The following MTUS2 variants were observed in gnomAD, a reference collection of about 807,000 sequenced individuals.
MTUS2 encodes microtubule associated scaffold protein 2.
Under a neutral mutation model 114.1 loss-of-function variants are expected in MTUS2, and 40 were observed. The ratio of observed to expected loss-of-function variants is 0.35; its 90% CI spans 0.27 to 0.46. The LOEUF (loss-of-function observed/expected upper bound fraction) is 0.46. Ranked by LOEUF, MTUS2 falls within the 20% of genes least tolerant of loss-of-function variation. The pLI, the probability that MTUS2 is intolerant of heterozygous loss-of-function variation, is 1.00. For synonymous variants in MTUS2, 688 were observed against 672.0 expected, an observed-to-expected ratio of 1.02 and a Z score of -0.37; for missense variants, 1,679 against 1,705.4, an observed-to-expected ratio of 0.98 and a Z score of 0.27.
chr13:29,503,217 CG>C lies in MTUS2; in HGVS notation c.*13del. ...ACAACACCCAGATGACGCCACTACA[CG>C]GCCTGCGGGAGCTCCGGCTTCTCGT... On this transcript the variant is annotated 3_prime_UTR_variant, in exon 16 of 16. Transcript: ENST00000612955. The C allele has an allele frequency of 6.2e-7, 1 of 1,612,636 alleles. No homozygotes were observed. The highest frequency in any genetic ancestry group is 8.5e-7 in the Non-Finnish European group (1 of 1,179,860).
chr13:29,382,634 C>T (rs181340299), intron 8 of MTUS2, among the ~76,000 whole-genome samples: 45 of 152,218 alleles, frequency 3.0e-4, no homozygotes, highest in African/African-American at 9.9e-4. Flanking sequence ...ATAAAACTGG[C>T]GCTCTTAAAA....
intron 5 of MTUS2, among the ~76,000 whole-genome samples, chr13:29,216,902 C>A (rs1301739779): frequency 6.6e-6 from 1 of 152,206 alleles, no homozygotes; most frequent in Non-Finnish European, 1.5e-5. Context: ...TTCCCACACC[C>A]TCCCTAATAC....
At chr13:29,329,372 T>C (rs1337299505) in intron 7 of MTUS2, among the ~76,000 whole-genome samples, 2 of 151,906 alleles carry the variant, frequency 1.3e-5, no homozygotes, top group South Asian at 2.1e-4. Context: ...CTCCCACTTA[T>C]GAGTGAGAAC....
intron 5 of MTUS2, among the ~76,000 whole-genome samples, chr13:29,226,159 C>A (rs577278413): frequency 6.6e-5 from 10 of 152,110 alleles, no homozygotes; most frequent in Non-Finnish European, 8.8e-5. Context: ...AAAAAGATAA[C>A]ATTACATATT....
At chr13:29,235,821 T>G (rs189182360) in intron 5 of MTUS2, among the ~76,000 whole-genome samples, 3 of 152,334 alleles carry the variant, frequency 2.0e-5, no homozygotes, top group Admixed American at 1.3e-4. Context: ...TATGATTCAC[T>G]CATGACCATT....
At chr13:29,475,684 G>GA (rs1471931564) in intron 9 of MTUS2, among the ~76,000 whole-genome samples, 5 of 152,094 alleles carry the variant, frequency 3.3e-5, no homozygotes, top group African/African-American at 1.2e-4. Flanking sequence ...TTTAAAAATA[G>GA]AAAAAAGCTT....
intron 5 of MTUS2, among the ~76,000 whole-genome samples, chr13:29,223,111 G>C (rs999177264): frequency 6.6e-6 from 1 of 152,158 alleles, no homozygotes; most frequent in African/African-American, 2.4e-5. Flanking sequence ...AAAGGGGTGG[G>C]TCCCTAGTGA....
intron 2 of MTUS2, among the ~76,000 whole-genome samples, chr13:29,002,626 A>G (rs866446020): frequency 6.6e-6 from 1 of 152,212 alleles, no homozygotes; most frequent in Non-Finnish European, 1.5e-5. Context: ...TATTTGAGCA[A>G]ATAGTTTAGG....
chr13:28,852,900 A>AATACATATATACATACATAC lies in MTUS2; in HGVS notation c.-243+13057_-243+13058insTATACATACATACATACATA, dbSNP rs1555267744. Among the ~76,000 whole-genome samples the AATACATATATACATACATAC allele has an allele frequency of 2.0e-5, 3 of 148,490 alleles. No individual in the cohort carries two copies. The East Asian group carries it at 5.9e-4, about 29-fold the overall frequency. ...GGTGACAGAGCGAGCCTCTGTCTTAAATACATACATACATACATACATACA... is the reference window on the plus strand; with the variant it reads ...GGTGACAGAGCGAGCCTCTGTCTTAAATACATATATACATACATACATACATACATACATACATACATACA... On this transcript the variant is annotated intron_variant, in intron 2 of 15. Transcript: ENST00000612955.
intron 4 of MTUS2, among the ~76,000 whole-genome samples, chr13:29,042,154 T>C (rs1887394451): frequency 6.6e-6 from 1 of 152,200 alleles, no homozygotes; most frequent in Non-Finnish European, 1.5e-5. Context: ...GTGCTGATTT[T>C]GCTGAGGGTT....
At position 29,148,200 on chromosome 13, in the gene MTUS2, C is replaced by CTTT. The variant is rs551708762; in HGVS notation, c.2644+47241_2644+47243dup. Among the ~76,000 whole-genome samples, 379 of 138,610 alleles carry CTTT rather than the reference C, an allele frequency of 2.7e-3. 2 individuals are homozygous for CTTT. The highest frequency in any genetic ancestry group is 9.5e-3 in the African/African-American group (362 of 37,956). 90.9% of individuals were successfully genotyped at this position (138,610 alleles called of 152,430 possible). ...TTTTCTGATGATTAGTGATGTTGAG[C>CTTT]TTTTTTTTTTTTTCATTTCCAACTT... On this transcript the variant is annotated intron_variant, in intron 5 of 15. Coordinates refer to ENST00000612955, the MANE Select transcript of MTUS2 (RefSeq NM_001033602.4).
At chr13:28,846,234 C>T (rs967263526) in intron 2 of MTUS2, among the ~76,000 whole-genome samples, 3 of 152,124 alleles carry the variant, frequency 2.0e-5, no homozygotes, top group South Asian at 2.1e-4. Context: ...ATGGAACCCA[C>T]GTGAGAGACC....
intron 2 of MTUS2, among the ~76,000 whole-genome samples, chr13:28,963,358 A>AAAAAC (rs902105353): frequency 2.0e-5 from 3 of 152,226 alleles, no homozygotes; most frequent in Non-Finnish European, 2.9e-5. Context: ...CTCAAAAAAC[A>AAAAAC]AAAACAAAAC....
intron 5 of MTUS2, among the ~76,000 whole-genome samples, chr13:29,169,800 G>T (rs898541269): frequency 6.6e-6 from 1 of 152,072 alleles, no homozygotes; most frequent in Non-Finnish European, 1.5e-5. Flanking sequence ...CATAAGGGCC[G>T]TGCAGCCACA....
chr13:29,038,757 A>G (rs916750680), intron 4 of MTUS2, among the ~76,000 whole-genome samples: 2 of 152,262 alleles, frequency 1.3e-5, no homozygotes, highest in African/African-American at 4.8e-5. Context: ...GGAGGAATCT[A>G]GAGAGGCAGT....
chr13:28,954,077 G>A (rs922895230), intron 2 of MTUS2, among the ~76,000 whole-genome samples: 7 of 152,144 alleles, frequency 4.6e-5, no homozygotes, highest in Non-Finnish European at 1.0e-4. Context: ...TTTAAATTCT[G>A]TTGTTAAAAG....
rs200333897 is a variant in MTUS2 at position 29,025,760 on chromosome 13, G to A, written c.1062G>A (p.Pro354=). ...EGRDPCGEAH[P]EATDALGHLL... ...GGGATCCATGTGGGGAAGCACACCC[G>A]GAAGCCACCGATGCACTTGGCCATC... is the stretch of plus-strand genomic sequence containing the variant. The change falls in exon 3 of 16, where the codon CCG becomes CCA. Residue 354 remains proline, a synonymous_variant. Transcript: ENST00000612955. 2.4e-5 allele frequency: 38 copies of A among 1,613,974 alleles called. No individual in the cohort carries two copies. Among genetic ancestry groups the A allele is most frequent in the East Asian group, 1.1e-4 (5 of 44,872 alleles).
chr13:28,945,126 T>C (rs1474253461), intron 2 of MTUS2, among the ~76,000 whole-genome samples: 1 of 152,028 alleles, frequency 6.6e-6, no homozygotes, highest in Non-Finnish European at 1.5e-5. Context: ...TCCAGTTCCA[T>C]CCATGTTGTA....
chr13:28,883,741 T>A (rs1372830445), intron 2 of MTUS2, among the ~76,000 whole-genome samples: 1 of 152,170 alleles, frequency 6.6e-6, no homozygotes, highest in Non-Finnish European at 1.5e-5. Context: ...GGTTACATGA[T>A]TCTAACTAAA....
Sources: allele counts gnomAD v4.1 joint callset (sites outside exome capture counted in the v4.1 genomes callset), GRCh38; gene constraint gnomAD v4.1.1; transcripts MANE v1.5; gene names NCBI Gene and HGNC (gene_info 2026-07-23, HGNC 2026-07-21).